The following CWF19L2 variants were observed in gnomAD, a reference collection of about 807,000 sequenced individuals.
CWF19L2 encodes the protein CWF19 like cell cycle control factor 2.
In CWF19L2, 98 loss-of-function variants were observed where a neutral mutation model predicts 111.7. The observed-to-expected ratio is 0.88, with a 90% CI of 0.75 to 1.04. The LOEUF (loss-of-function observed/expected upper bound fraction) is 1.04, where lower values mean the gene tolerates loss of function less well. Ranked by LOEUF, CWF19L2 falls within the 50% of genes least tolerant of loss-of-function variation. CWF19L2 has a pLI of 0.00. For missense variants in CWF19L2, 1,101 were observed against 1,051.4 expected (o/e 1.05, Z -0.65); for synonymous variants, 351 against 342.9 (o/e 1.02, Z -0.26).
intron 3 of CWF19L2, 89 bp downstream of exon 3, chr11:107,454,361 G>T: frequency 7.7e-6 from 8 of 1,035,876 alleles, no homozygotes; most frequent in Non-Finnish European, 8.8e-6. Flanking sequence ...TATTTTTTAC[G>T]TTTTCTTGTA....
chr11:107,420,469 G>C (rs1483483424), intron 8 of CWF19L2, among the ~76,000 whole-genome samples: 1 of 152,046 alleles, frequency 6.6e-6, no homozygotes, highest in Non-Finnish European at 1.5e-5. Context: ...AAGAGCGTTT[G>C]AATACATGAG....
intron 12 of CWF19L2, among the ~76,000 whole-genome samples, chr11:107,364,264 C>T (rs957134586): frequency 0.011 from 1,560 of 143,534 alleles, 103 homozygotes; most frequent in African/African-American, 0.039. Context: ...GACAGATCAA[C>T]GAGACAGAAA....
At position 107,373,049 on chromosome 11, in the gene CWF19L2, T is replaced by C. The variant is rs563135172; in HGVS notation, c.1872+17025A>G. The stretch of plus-strand genomic sequence containing the variant: ...AAATCGAGTCACTCCCACCCAAATA[T>C]TGCGCTTTTCAGACCGGCTTAAAAA... On this transcript the variant is annotated intron_variant, in intron 12 of 17. Coordinates refer to ENST00000282251, the MANE Select transcript of CWF19L2 (RefSeq NM_152434.3). Among the ~76,000 whole-genome samples the C allele has an allele frequency of 1.3e-3, 43 of 32,030 alleles. 2 individuals carry two copies. Among genetic ancestry groups the C allele is most frequent in the Non-Finnish European group, 1.7e-3 (28 of 16,744 alleles). 21.0% of individuals were successfully genotyped at this position (32,030 alleles called of 152,430 possible).
chr11:107,388,157 A>G (rs966224076), intron 12 of CWF19L2, among the ~76,000 whole-genome samples: 13 of 152,206 alleles, frequency 8.5e-5, no homozygotes, highest in African/African-American at 3.1e-4. Context: ...TCTGTTGAAA[A>G]TATCATCGCA....
chr11:107,380,989 A>G (rs1860677224), intron 12 of CWF19L2, among the ~76,000 whole-genome samples: 1 of 152,226 alleles, frequency 6.6e-6, no homozygotes, highest in South Asian at 2.1e-4. Flanking sequence ...ATATGATTCT[A>G]CTTATCATTA....
chr11:107,335,471 G>C (rs535895316), intron 15 of CWF19L2, among the ~76,000 whole-genome samples: 1 of 152,206 alleles, frequency 6.6e-6, no homozygotes, highest in Admixed American at 6.5e-5. Flanking sequence ...AAAAGTCCAG[G>C]AAGCATAAGT....
At chr11:107,332,226 C>T (rs963053277) in intron 16 of CWF19L2, among the ~76,000 whole-genome samples, 3 of 152,158 alleles carry the variant, frequency 2.0e-5, no homozygotes, top group African/African-American at 4.8e-5. Flanking sequence ...CAAAATTAAA[C>T]TTAAAATACC....
intron 10 of CWF19L2, among the ~76,000 whole-genome samples, 190 bp downstream of exon 10, chr11:107,416,019 C>G (rs189443996): frequency 6.6e-6 from 1 of 152,158 alleles, no homozygotes; most frequent in East Asian, 1.9e-4. Flanking sequence ...ATTGCTTGAA[C>G]GTGGGAGGCA....
chr11:107,432,444 G>A (rs554769827), intron 7 of CWF19L2, among the ~76,000 whole-genome samples: 8 of 152,192 alleles, frequency 5.3e-5, no homozygotes, highest in Admixed American at 2.6e-4. Context: ...TTAGCCAGGC[G>A]TGGTGGTGTG....
intron 10 of CWF19L2, among the ~76,000 whole-genome samples, chr11:107,393,985 T>C (rs1465742608): frequency 6.6e-6 from 1 of 151,890 alleles, no homozygotes; most frequent in Non-Finnish European, 1.5e-5. Flanking sequence ...ATGCAATATA[T>C]CCCTGTAAAA....
At chr11:107,455,618 C>A in intron 2 of CWF19L2, 48 bp downstream of exon 2, 2 of 1,104,330 alleles carry the variant, frequency 1.8e-6, no homozygotes, top group Non-Finnish European at 2.6e-6. Context: ...TGAATACGTG[C>A]AAAAAAGGAC....
chr11:107,411,089 G>GCA (rs146846176), intron 10 of CWF19L2, among the ~76,000 whole-genome samples: 11,753 of 148,678 alleles, frequency 0.079, 532 homozygotes, highest in East Asian at 0.21. Flanking sequence ...GCGCGTGCGT[G>GCA]CACACACACA....
intron 3 of CWF19L2, among the ~76,000 whole-genome samples, chr11:107,444,934 G>A (rs922427426): frequency 2.0e-5 from 3 of 152,132 alleles, no homozygotes; most frequent in South Asian, 4.1e-4. Context: ...TAGTTCAAAC[G>A]TAGGTACCTG....
intron 6 of CWF19L2, among the ~76,000 whole-genome samples, chr11:107,436,423 C>T (rs1012880836): frequency 6.6e-6 from 1 of 152,012 alleles, no homozygotes; most frequent in Non-Finnish European, 1.5e-5. Context: ...TGAATCTGGG[C>T]TATATTACCC....
intron 16 of CWF19L2, among the ~76,000 whole-genome samples, chr11:107,331,469 G>A (rs1395013808): frequency 6.6e-6 from 1 of 152,140 alleles, no homozygotes; most frequent in African/African-American, 2.4e-5. Context: ...GAGAAAGATG[G>A]AAGATACTAC....
chr11:107,403,471 G>T, intron 10 of CWF19L2: 2 of 808,542 alleles, frequency 2.5e-6, no homozygotes, highest in Non-Finnish European at 4.4e-6. Flanking sequence ...TGCTCTCTGA[G>T]CCAGTGTTAC....
intron 10 of CWF19L2, among the ~76,000 whole-genome samples, chr11:107,396,248 A>G (rs546445411): frequency 1.3e-5 from 2 of 152,372 alleles, no homozygotes; most frequent in East Asian, 3.9e-4. Context: ...ATAACTAAAA[A>G]GCATTTATAA....
chr11:107,362,756 C>A (rs371678851), intron 12 of CWF19L2, among the ~76,000 whole-genome samples: 1,814 of 132,818 alleles, frequency 0.014, 19 homozygotes, highest in African/African-American at 0.041. Flanking sequence ...AACTCTAAAA[C>A]GCAGAGCGCC....
At chr11:107,358,959 T>C (rs1315663205) in intron 12 of CWF19L2, among the ~76,000 whole-genome samples, 1 of 152,074 alleles carries the variant, frequency 6.6e-6, no homozygotes, top group East Asian at 1.9e-4. Flanking sequence ...GGGAAAGAGT[T>C]ATGCAAACAG....
Sources: allele counts gnomAD v4.1 joint callset (sites outside exome capture counted in the v4.1 genomes callset), GRCh38; gene constraint gnomAD v4.1.1; transcripts MANE v1.5; gene names NCBI Gene and HGNC (gene_info 2026-07-23, HGNC 2026-07-21).